SLC7A14: variants seen among roughly 807,000 people sequenced by gnomAD.
The protein encoded by SLC7A14 is gamma-aminobutyric acid transporter SLC7A14.
Under a neutral mutation model 60.2 loss-of-function variants are expected in SLC7A14, and 37 were observed. The ratio of observed to expected loss-of-function variants is 0.61; its 90% CI spans 0.47 to 0.81. The LOEUF is 0.81. Among genes scored for constraint, SLC7A14 ranks in the 30% least tolerant of loss-of-function variants. SLC7A14 has a pLI of 0.00. For synonymous variants in SLC7A14, 399 were observed against 395.8 expected (o/e 1.01, Z -0.10); for missense variants, 886 against 982.7 (o/e 0.90, Z 1.32).
chr3:170,498,994 T>A (rs1712510444), intron 3 of SLC7A14, 110 bp from the exon 4 acceptor site: 1 of 1,000,484 alleles, frequency 1.0e-6, no homozygotes, highest in Non-Finnish European at 1.5e-6. Context: ...GGCAGTAAAC[T>A]GGGAGGCCGA....
At chr3:170,475,477 TATAAGACC>T (rs1711583462) in intron 7 of SLC7A14, among the ~76,000 whole-genome samples, 1 of 152,230 alleles carries the variant, frequency 6.6e-6, no homozygotes, top group Admixed American at 6.5e-5. Flanking sequence ...ATATTTATCT[TATAAGACC>T]ATTAAGGATT....
chr3:170,543,741 T>C (rs1378332622), intron 1 of SLC7A14, among the ~76,000 whole-genome samples: 1 of 150,708 alleles, frequency 6.6e-6, no homozygotes, highest in Non-Finnish European at 1.5e-5. Flanking sequence ...TTTTCTTTCT[T>C]TCTTTCTTTC....
intron 2 of SLC7A14, among the ~76,000 whole-genome samples, chr3:170,523,176 A>AT (rs1429015344): frequency 1.3e-5 from 2 of 152,206 alleles, no homozygotes; most frequent in East Asian, 3.8e-4. Context: ...AGGTATTATT[A>AT]TTTTTAAAGT....
chr3:170,503,395 C>T (rs927196079), intron 2 of SLC7A14, among the ~76,000 whole-genome samples: 14 of 151,956 alleles, frequency 9.2e-5, no homozygotes, highest in Middle Eastern at 3.2e-3. Context: ...AGAGTGTGCA[C>T]GCATTAAATA....
intron 3 of SLC7A14, among the ~76,000 whole-genome samples, chr3:170,499,663 G>A (rs1270029203): frequency 6.6e-6 from 1 of 152,074 alleles, no homozygotes; most frequent in African/African-American, 2.4e-5. Context: ...GGGGTTTTCT[G>A]TCCTTTTGTG....
chr3:170,560,739 A>G (rs1714624695), intron 1 of SLC7A14, among the ~76,000 whole-genome samples: 1 of 152,194 alleles, frequency 6.6e-6, no homozygotes, highest in African/African-American at 2.4e-5. Flanking sequence ...CAATAACAGA[A>G]GAAAATCCTG....
intron 1 of SLC7A14, among the ~76,000 whole-genome samples, chr3:170,531,522 A>G (rs958780384): frequency 2.0e-5 from 3 of 152,202 alleles, no homozygotes; most frequent in African/African-American, 4.8e-5. Flanking sequence ...CCCTGGTCCT[A>G]TTCTCTTCAC....
chr3:170,519,113 G>A (rs1271745202), intron 2 of SLC7A14, among the ~76,000 whole-genome samples: 3 of 152,176 alleles, frequency 2.0e-5, no homozygotes, highest in Non-Finnish European at 4.4e-5. Context: ...AGACTCTGTA[G>A]AAGCAGAGAC....
intron 2 of SLC7A14, among the ~76,000 whole-genome samples, chr3:170,505,171 C>G (rs770860201): frequency 5.3e-5 from 8 of 151,896 alleles, no homozygotes; most frequent in Non-Finnish European, 1.2e-4. Context: ...AATTGAGAGA[C>G]AGTTGTCTCT....
At position 170,480,402 on chromosome 3, in the gene SLC7A14, T is replaced by C. The variant is rs191325055; in HGVS notation, c.1880A>G (p.Tyr627Cys). 1 of 1,613,230 alleles carries C rather than the reference T, an allele frequency of 6.2e-7. No homozygotes were observed. The highest frequency in any genetic ancestry group is 1.3e-5 in the African/African-American group (1 of 75,046). ...CACAAAGGGGAGGCAAGGGGCCATG[T>C]AGGGCAGCTTCTTGGGGTTCTCTGG... ...QQPENPKKLPYMAPCLPFVPA... is the reference protein window; with the variant it reads ...QQPENPKKLPCMAPCLPFVPA... Residue 627 changes from tyrosine (Y) to cysteine (C), a missense_variant, in exon 7 of 8, where the codon TAC becomes TGC. Coordinates refer to ENST00000231706, the MANE Select transcript of SLC7A14 (RefSeq NM_020949.3).
intron 1 of SLC7A14, among the ~76,000 whole-genome samples, chr3:170,571,467 T>G (rs1389254706): frequency 6.6e-6 from 1 of 152,188 alleles, no homozygotes; most frequent in East Asian, 1.9e-4. Flanking sequence ...TCCTTGACAG[T>G]TACGTGAGAC....
In SLC7A14 at chr3:170,461,389, GA is replaced by G. The variant is rs1739600894; in HGVS notation, c.*5665del. ...GGCGACTGCCTAGCTGTTTCAGAAT[GA>G]TTTCAGAATGATGCCTGCATTACTC... On this transcript the variant is annotated 3_prime_UTR_variant, in exon 8 of 8. Transcript: ENST00000231706. The G allele has an allele frequency of 6.6e-6, 1 of 152,190 alleles. No individual in the cohort carries two copies. The highest frequency in any genetic ancestry group is 2.4e-5 in the African/African-American group (1 of 41,440). The allele number at this position is 152,190 out of a possible 1,614,324, so 9.4% of individuals were successfully genotyped here. A position where few individuals can be genotyped will look rare whatever the true frequency, so the allele number is the denominator to read the frequency against.
At chr3:170,580,242 A>G (rs1339545122) in intron 1 of SLC7A14, among the ~76,000 whole-genome samples, 2 of 152,226 alleles carry the variant, frequency 1.3e-5, no homozygotes, top group Non-Finnish European at 2.9e-5. Flanking sequence ...TATTGATTAA[A>G]TGGATGATTG....
chr3:170,566,896 C>T (rs371963582), intron 1 of SLC7A14, among the ~76,000 whole-genome samples: 4 of 151,964 alleles, frequency 2.6e-5, no homozygotes, highest in East Asian at 1.9e-4. Flanking sequence ...ACATTTAAAG[C>T]GAAGTTGAAA....
chr3:170,572,993 C>T (rs1023745511), intron 1 of SLC7A14, among the ~76,000 whole-genome samples: 4 of 152,134 alleles, frequency 2.6e-5, no homozygotes, highest in Admixed American at 1.3e-4. Flanking sequence ...TTAAAAAAAA[C>T]CTCTTGGGAG....
chr3:170,487,373 C>T (rs543351374), intron 4 of SLC7A14, among the ~76,000 whole-genome samples: 118 of 151,704 alleles, frequency 7.8e-4, no homozygotes, highest in Non-Finnish European at 6.8e-4. Flanking sequence ...TGCTTAGGGA[C>T]GTCCTTTTAG....
intron 2 of SLC7A14, among the ~76,000 whole-genome samples, chr3:170,521,607 A>C (rs1050901299): frequency 6.6e-6 from 1 of 152,224 alleles, no homozygotes; most frequent in Non-Finnish European, 1.5e-5. Context: ...GTGATTAATA[A>C]GAAAATAAAG....
chr3:170,578,330 T>A (rs576430270), intron 1 of SLC7A14, among the ~76,000 whole-genome samples: 1 of 152,344 alleles, frequency 6.6e-6, no homozygotes, highest in African/African-American at 2.4e-5. Context: ...ACAATGTAGA[T>A]TCCCACACAC....
At chr3:170,520,980 C>T (rs1423653833) in intron 2 of SLC7A14, among the ~76,000 whole-genome samples, 3 of 152,162 alleles carry the variant, frequency 2.0e-5, no homozygotes, top group African/African-American at 4.8e-5. Flanking sequence ...AGGTGGGAAC[C>T]ATGATGAAAA....
Sources: allele counts gnomAD v4.1 joint callset (sites outside exome capture counted in the v4.1 genomes callset), GRCh38; gene constraint gnomAD v4.1.1; transcripts MANE v1.5; gene names NCBI Gene and HGNC (gene_info 2026-07-23, HGNC 2026-07-21).